PRKCE: variants seen among roughly 807,000 people sequenced by gnomAD.
PRKCE encodes protein kinase C epsilon type.
A neutral mutation model predicts 85.4 loss-of-function variants in PRKCE; 16 were observed. The ratio of observed to expected loss-of-function variants is 0.19; its 90% CI spans 0.13 to 0.28. The LOEUF is 0.28. Ranked by LOEUF, PRKCE falls within the 10% of genes least tolerant of loss-of-function variation. The pLI is 1.00. For synonymous variants in PRKCE, 388 were observed against 371.5 expected (o/e 1.04, Z -0.51); for missense variants, 573 against 975.2 (o/e 0.59, Z 5.49).
At chr2:46,156,442 A>G (rs955817652) in intron 13 of PRKCE, among the ~76,000 whole-genome samples, 50 of 152,284 alleles carry the variant, frequency 3.3e-4, no homozygotes, top group African/African-American at 1.1e-3. Context: ...TTACTCTTCT[A>G]CATGCCCCGT....
chr2:45,768,520 GA>G (rs1685080153), intron 1 of PRKCE, among the ~76,000 whole-genome samples: 2 of 152,096 alleles, frequency 1.3e-5, no homozygotes, highest in South Asian at 4.2e-4. Context: ...TTAAGTCTCT[GA>G]TAGTTGGCCA....
chr2:45,695,254 C>A (rs1678049273), intron 1 of PRKCE, among the ~76,000 whole-genome samples: 1 of 152,148 alleles, frequency 6.6e-6, no homozygotes, highest in Non-Finnish European at 1.5e-5. Flanking sequence ...TGGTGACATT[C>A]CTTTTTGGAT....
At chr2:46,013,754 T>C (rs769196002) in intron 10 of PRKCE, among the ~76,000 whole-genome samples, 8 of 152,232 alleles carry the variant, frequency 5.3e-5, no homozygotes, top group Non-Finnish European at 8.8e-5. Context: ...TAATTATTTT[T>C]AGGTGAGCCT....
chr2:46,018,188 C>T (rs1342424770), intron 10 of PRKCE, among the ~76,000 whole-genome samples: 1 of 152,200 alleles, frequency 6.6e-6, no homozygotes, highest in Admixed American at 6.5e-5. Context: ...GGGGCATGGG[C>T]ACAGGAACGA....
chr2:45,987,528 G>C (rs1329821858), intron 6 of PRKCE, among the ~76,000 whole-genome samples: 1 of 151,644 alleles, frequency 6.6e-6, no homozygotes, highest in Admixed American at 6.6e-5. Context: ...GCATTTTTAG[G>C]TTCACAGCAA....
intron 6 of PRKCE, among the ~76,000 whole-genome samples, chr2:45,992,689 C>G (rs1003537323): frequency 6.6e-6 from 1 of 152,236 alleles, no homozygotes; most frequent in Non-Finnish European, 1.5e-5. Context: ...AGGAGTGGCT[C>G]TGTCACCATT....
intron 12 of PRKCE, among the ~76,000 whole-genome samples, chr2:46,148,108 C>A (rs1348817531): frequency 6.6e-6 from 1 of 152,228 alleles, no homozygotes; most frequent in Admixed American, 6.5e-5. Flanking sequence ...TATCTTCCTG[C>A]CACATGATAT....
chr2:46,158,223 G>C (rs1677408347), intron 13 of PRKCE, among the ~76,000 whole-genome samples: 1 of 152,260 alleles, frequency 6.6e-6, no homozygotes, highest in African/African-American at 2.4e-5. Flanking sequence ...AGGAGGGAAT[G>C]TGGGGAGGCT....
chr2:46,096,997 AC>A (rs1378177198), intron 11 of PRKCE, among the ~76,000 whole-genome samples: 5 of 152,066 alleles, frequency 3.3e-5, no homozygotes, highest in Non-Finnish European at 7.4e-5. Flanking sequence ...AGTTACAGGT[AC>A]CCCCACGATG....
At chr2:45,899,726 T>A (rs933686372) in intron 2 of PRKCE, among the ~76,000 whole-genome samples, 2 of 152,192 alleles carry the variant, frequency 1.3e-5, no homozygotes, top group Non-Finnish European at 2.9e-5. Context: ...CCGAAGGCCC[T>A]GAATTCTCTC....
At chr2:46,160,900 C>T (rs1026381471) in intron 14 of PRKCE, among the ~76,000 whole-genome samples, 2 of 152,110 alleles carry the variant, frequency 1.3e-5, no homozygotes, top group African/African-American at 4.8e-5. Flanking sequence ...CGGGTGTGGT[C>T]CAGGCCTCAA....
At chr2:45,849,164 T>A (rs1692040424) in intron 2 of PRKCE, among the ~76,000 whole-genome samples, 1 of 152,190 alleles carries the variant, frequency 6.6e-6, no homozygotes. Flanking sequence ...TTAAACTGTC[T>A]GAAGATTGAA....
intron 2 of PRKCE, among the ~76,000 whole-genome samples, chr2:45,932,310 A>T (rs1248458393): frequency 1.3e-5 from 2 of 152,224 alleles, no homozygotes; most frequent in African/African-American, 4.8e-5. Flanking sequence ...TCCGTTCTAT[A>T]ACTGATGGAC....
chr2:45,808,977 C>A (rs1467656108), intron 1 of PRKCE, among the ~76,000 whole-genome samples: 1 of 152,186 alleles, frequency 6.6e-6, no homozygotes, highest in Non-Finnish European at 1.5e-5. Context: ...GTACCCGGCT[C>A]TAATCTGCCC....
intron 10 of PRKCE, among the ~76,000 whole-genome samples, chr2:46,080,307 C>A (rs188398495): frequency 2.0e-4 from 30 of 151,260 alleles, no homozygotes; most frequent in Non-Finnish European, 3.4e-4. Context: ...GAAAATTTTA[C>A]CTTGCTTTAA....
chr2:45,879,277 C>G (rs1345910941), intron 2 of PRKCE, among the ~76,000 whole-genome samples: 4 of 152,228 alleles, frequency 2.6e-5, no homozygotes, highest in African/African-American at 9.6e-5. Context: ...GGCCAGACTT[C>G]AGGGGAAGAA....
intron 1 of PRKCE, among the ~76,000 whole-genome samples, chr2:45,819,270 T>A (rs955699606): frequency 2.0e-5 from 3 of 152,204 alleles, no homozygotes; most frequent in African/African-American, 7.2e-5. Context: ...AATAATGGGT[T>A]TGCCCAAGGT....
intron 6 of PRKCE, among the ~76,000 whole-genome samples, chr2:45,994,012 G>T (rs374213435): frequency 3.9e-5 from 6 of 151,936 alleles, no homozygotes; most frequent in African/African-American, 1.5e-4. Flanking sequence ...AGGCTGGTCT[G>T]GGGGGGCTCT....
At chr2:45,978,857 T>C in intron 3 of PRKCE, 119 bp from the exon 4 acceptor site, 1 of 793,414 alleles carries the variant, frequency 1.3e-6, no homozygotes, top group South Asian at 1.6e-5. Flanking sequence ...TACAATATTC[T>C]GCATACTTCA....
Sources: gnomAD v4.1 joint callset for allele counts (sites outside exome capture counted in the v4.1 genomes callset) on GRCh38, gnomAD v4.1.1 for gene constraint, MANE v1.5 for transcripts, NCBI Gene and HGNC (gene_info 2026-07-23, HGNC 2026-07-21) for gene names.